The following LDLRAD4 variants were observed in gnomAD, a reference collection of about 807,000 sequenced individuals.
LDLRAD4 encodes low density lipoprotein receptor class A domain containing 4, also known as low-density lipoprotein receptor class A domain-containing protein 4.
LDLRAD4 carries 5 observed loss-of-function variants against 17.0 expected under a neutral mutation model. The ratio of observed to expected loss-of-function variants is 0.29; its 90% CI spans 0.15 to 0.62. The LOEUF (loss-of-function observed/expected upper bound fraction) is 0.62, where lower values mean the gene tolerates loss of function less well. Among genes scored for constraint, LDLRAD4 ranks in the 20% least tolerant of loss-of-function variants. LDLRAD4 has a pLI of 0.84. For missense variants in LDLRAD4, 340 were observed against 424.7 expected, an observed-to-expected ratio of 0.80 and a Z score of 1.75; for synonymous variants, 168 against 171.8, an observed-to-expected ratio of 0.98 and a Z score of 0.17.
chr18:13,360,721 G>C (rs574826408), intron 1 of LDLRAD4, among the ~76,000 whole-genome samples: 172 of 152,330 alleles, frequency 1.1e-3, no homozygotes, highest in Middle Eastern at 3.4e-3. Flanking sequence ...AGGCCACTGA[G>C]ATGCAGGGCA....
intron 3 of LDLRAD4, among the ~76,000 whole-genome samples, chr18:13,458,927 C>T (rs1193917895): frequency 6.6e-6 from 1 of 152,210 alleles, no homozygotes; most frequent in African/African-American, 2.4e-5. Flanking sequence ...TCCCCTAGAG[C>T]TCTGGGAAGG....
At chr18:13,317,586 G>A (rs1341155422) in intron 1 of LDLRAD4, among the ~76,000 whole-genome samples, 1 of 152,224 alleles carries the variant, frequency 6.6e-6, no homozygotes, top group African/African-American at 2.4e-5. Context: ...TTCCGTGGGT[G>A]CCACTGGGAA....
intron 1 of LDLRAD4, among the ~76,000 whole-genome samples, chr18:13,374,841 T>C (rs1048241889): frequency 6.6e-6 from 1 of 152,184 alleles, no homozygotes; most frequent in Non-Finnish European, 1.5e-5. Context: ...GCCTCATCTT[T>C]AGGACTCTAT....
At chr18:13,273,811 A>G (rs1010057194), upstream of LDLRAD4, among the ~76,000 whole-genome samples, 11 of 152,154 alleles carry the variant, frequency 7.2e-5, no homozygotes, top group African/African-American at 2.7e-4. Flanking sequence ...CCCCTCATGC[A>G]GTCCTGTCCT....
At chr18:13,446,314 T>G (rs1037136200) in intron 3 of LDLRAD4, among the ~76,000 whole-genome samples, 2 of 152,154 alleles carry the variant, frequency 1.3e-5, no homozygotes, top group African/African-American at 4.8e-5. Context: ...TATTTTCCCC[T>G]CCCATGGTAT....
chr18:13,376,743 G>A (rs1299658835), intron 1 of LDLRAD4, among the ~76,000 whole-genome samples: 3 of 152,180 alleles, frequency 2.0e-5, no homozygotes, highest in South Asian at 2.1e-4. Context: ...TATCTTTACC[G>A]CTGCCTGGGC....
chr18:13,452,312 C>G (rs934745380), intron 3 of LDLRAD4, among the ~76,000 whole-genome samples: 1 of 152,068 alleles, frequency 6.6e-6, no homozygotes, highest in Non-Finnish European at 1.5e-5. Flanking sequence ...CGGCTCCTGG[C>G]CACCCTCCTT....
chr18:13,464,800 C>G (rs969981663), intron 3 of LDLRAD4, among the ~76,000 whole-genome samples: 3 of 139,330 alleles, frequency 2.2e-5, no homozygotes, highest in African/African-American at 5.2e-5. Context: ...CACCCCCACC[C>G]CAAGGTTTTA....
At chr18:13,284,846 C>T (rs1021142629) in intron 1 of LDLRAD4, among the ~76,000 whole-genome samples, 4 of 152,220 alleles carry the variant, frequency 2.6e-5, no homozygotes, top group Non-Finnish European at 4.4e-5. Context: ...TGAGATGACT[C>T]GCCCGTGGCA....
At chr18:13,505,993 C>T (rs1284221413) in intron 3 of LDLRAD4, among the ~76,000 whole-genome samples, 1 of 152,130 alleles carries the variant, frequency 6.6e-6, no homozygotes, top group Non-Finnish European at 1.5e-5. Context: ...CTGTCACACT[C>T]CCTCCTCAGT....
chr18:13,468,735 C>A (rs1165587518), intron 3 of LDLRAD4, among the ~76,000 whole-genome samples: 4 of 151,354 alleles, frequency 2.6e-5, no homozygotes, highest in African/African-American at 9.7e-5. Flanking sequence ...TCATTCTCAG[C>A]AAACTATTGC....
At chr18:13,609,403 C>T (rs565933266) in intron 3 of LDLRAD4, among the ~76,000 whole-genome samples, 2 of 152,148 alleles carry the variant, frequency 1.3e-5, no homozygotes, top group Admixed American at 1.3e-4. Context: ...CTAGTACATC[C>T]GCCCAGACAG....
chr18:13,218,407 G>A (rs1165634624), upstream of LDLRAD4, among the ~76,000 whole-genome samples: 1 of 152,210 alleles, frequency 6.6e-6, no homozygotes, highest in South Asian at 2.1e-4. Context: ...GCCCTGGGGC[G>A]CAGGGTGTCC....
rs542233395 is a variant in LDLRAD4, at chr18:13,445,080, G to A, written c.181+6696G>A. Among the ~76,000 whole-genome samples the A allele has an allele frequency of 5.3e-5, 8 of 152,328 alleles. No homozygotes were observed. In the South Asian group the frequency reaches 1.2e-3, roughly 24 times the overall value. On this transcript the variant is annotated intron_variant, in intron 3 of 5. Transcript: ENST00000359446. Reference sequence around the variant, plus strand: ...GCAGTGTGATAGGCTTTTACTGTGCGTGTGACCAGTCAGGGCTTCCCAGTG... The same window carrying A: ...GCAGTGTGATAGGCTTTTACTGTGCATGTGACCAGTCAGGGCTTCCCAGTG...
intron 3 of LDLRAD4, among the ~76,000 whole-genome samples, chr18:13,453,191 T>C (rs1354715552): frequency 6.6e-6 from 1 of 152,230 alleles, no homozygotes; most frequent in Non-Finnish European, 1.5e-5. Context: ...GACTTTGTTT[T>C]GCATTGCTCC....
Position 13,621,223 on chromosome 18 carries a change from C to T in LDLRAD4, c.288C>T (p.Phe96=). Residue 96 remains phenylalanine (F), a synonymous_variant, in exon 4 of 6, where the codon TTC becomes TTT. Transcript: ENST00000359446. This position sits in a 1 kb window ranked among gnomAD's most constrained non-coding sequence, Gnocchi z 5.5. ...ACTACAAAGTCTCCACGCGGTCCTT[C>T]ATCAACCGCCCGAACCAGAGCCGGA... The T allele has an allele frequency of 1.2e-6, 2 of 1,614,018 alleles. No homozygotes were observed. The highest frequency in any genetic ancestry group is 1.7e-6 in the Non-Finnish European group (2 of 1,180,038).
intron 3 of LDLRAD4, among the ~76,000 whole-genome samples, chr18:13,439,203 T>C (rs12606147): frequency 0.022 from 3,277 of 152,326 alleles, 269 homozygotes; most frequent in East Asian, 0.2. Flanking sequence ...TGAGGAGTTA[T>C]ATTTGAGACA....
chr18:13,623,402 A>G (rs1204263512), intron 4 of LDLRAD4, among the ~76,000 whole-genome samples: 1 of 152,218 alleles, frequency 6.6e-6, no homozygotes, highest in African/African-American at 2.4e-5. Flanking sequence ...GTTCCCCCTG[A>G]GAGCTCCGTT....
intron 3 of LDLRAD4, among the ~76,000 whole-genome samples, chr18:13,528,743 G>C (rs928634368): frequency 5.9e-5 from 9 of 152,256 alleles, no homozygotes; most frequent in Non-Finnish European, 1.0e-4. Context: ...TTGTTGCAGA[G>C]TTAGATTCTG....
Sources: gnomAD v4.1 joint callset for allele counts (sites outside exome capture counted in the v4.1 genomes callset) on GRCh38, gnomAD v4.1.1 for gene constraint, Gnocchi (gnomAD v3.1) non-coding constraint, MANE v1.5 for transcripts, NCBI Gene and HGNC (gene_info 2026-07-23, HGNC 2026-07-21) for gene names.